SLC25A14: variants seen among roughly 807,000 people sequenced by gnomAD.
SLC25A14 encodes the protein solute carrier family 25 member 14.
SLC25A14 carries 8 observed loss-of-function variants against 28.1 expected under a neutral mutation model. The ratio of observed to expected loss-of-function variants is 0.28; its 90% CI spans 0.17 to 0.51. The LOEUF (loss-of-function observed/expected upper bound fraction) is 0.51, where lower values mean the gene tolerates loss of function less well. Ranked by LOEUF, SLC25A14 falls within the 20% of genes least tolerant of loss-of-function variation. The pLI, the probability that SLC25A14 is intolerant of heterozygous loss-of-function variation, is 0.97. For missense variants in SLC25A14, 135 were observed against 263.8 expected, an observed-to-expected ratio of 0.51 and a Z score of 3.38; for synonymous variants, 74 against 90.6, an observed-to-expected ratio of 0.82 and a Z score of 1.04.
chrX:130,365,013 T>C (rs2235801), intron 8 of SLC25A14: 370,816 of 842,663 alleles, frequency 0.44, 61,500 homozygotes, highest in African/African-American at 0.54. Flanking sequence ...TATCCATACA[T>C]AGCTTCTATA....
chrX:130,342,554 G>A (rs1262109409), intron 2 of SLC25A14, among the ~76,000 whole-genome samples: 1 of 112,028 alleles, frequency 8.9e-6, no homozygotes, highest in Non-Finnish European at 1.9e-5. Flanking sequence ...ATTAGAGGAA[G>A]ACAGACTTTT....
At chrX:130,352,384 T>G (rs2033645260) in intron 6 of SLC25A14, among the ~76,000 whole-genome samples, 1 of 111,362 alleles carries the variant, frequency 9.0e-6, no homozygotes, top group Middle Eastern at 4.2e-3. Flanking sequence ...AACATAGGAG[T>G]GTATGTGTCT....
intron 8 of SLC25A14, 114 bp from the exon 9 acceptor site, chrX:130,365,427 C>T (rs896894604): frequency 9.5e-7 from 1 of 1,056,456 alleles, no homozygotes; most frequent in African/African-American, 1.9e-5. Context: ...GGCCAAGTGC[C>T]AGGTTTTATC....
chrX:130,353,040 T>A (rs892363455), intron 6 of SLC25A14, among the ~76,000 whole-genome samples: 4 of 112,410 alleles, frequency 3.6e-5, no homozygotes, highest in Non-Finnish European at 7.5e-5. Context: ...TTCTTAAAAT[T>A]TGAGGTCTTA....
At chrX:130,343,253 C>CA (rs2033322327) in intron 2 of SLC25A14, among the ~76,000 whole-genome samples, 1 of 112,004 alleles carries the variant, frequency 8.9e-6, no homozygotes, top group Non-Finnish European at 1.9e-5. Context: ...CTCACAAACT[C>CA]AAAGAGGGGA....
chrX:130,365,412 C>T lies in SLC25A14; in HGVS notation c.720-129C>T, dbSNP rs940857787. ...AATTTCCTGTCTCTTTAGATTGTAA[C>T]GAAAGGCCAAGTGCCAGGTTTTATC... On this transcript the variant is annotated intron_variant, in intron 8 of 10. Transcript: ENST00000545805. 8 of 1,044,033 alleles carry T rather than the reference C, an allele frequency of 7.7e-6. No homozygotes were observed. In the Admixed American group the frequency reaches 1.2e-4, roughly 16 times the overall value. 86.0% of individuals were successfully genotyped at this position (1,044,033 alleles called of 1,213,427 possible). A position where few individuals can be genotyped will look rare whatever the true frequency, so the allele number is the denominator to read the frequency against.
chrX:130,366,617 T>G (rs2034123879), intron 9 of SLC25A14, among the ~76,000 whole-genome samples: 1 of 112,638 alleles, frequency 8.9e-6, no homozygotes, highest in South Asian at 3.7e-4. Context: ...ACTATGGTGC[T>G]TTCCTCATAT....
intron 9 of SLC25A14, among the ~76,000 whole-genome samples, chrX:130,368,014 C>T (rs184610067): frequency 1.1e-4 from 12 of 112,356 alleles, no homozygotes; most frequent in East Asian, 5.6e-4. Context: ...CTCCTAACCT[C>T]GTGATCCACC....
At chrX:130,351,473 C>CT (rs2033620442) in intron 6 of SLC25A14, among the ~76,000 whole-genome samples, 1 of 111,336 alleles carries the variant, frequency 9.0e-6, no homozygotes, top group Non-Finnish European at 1.9e-5. Flanking sequence ...AGTTGGATTT[C>CT]TTTAAGGTTT....
chrX:130,342,010 G>A (rs759893354), intron 2 of SLC25A14, among the ~76,000 whole-genome samples: 26 of 112,079 alleles, frequency 2.3e-4, no homozygotes, highest in Non-Finnish European at 4.3e-4. Context: ...GGTAAAGGAT[G>A]TCACACTGCA....
intron 9 of SLC25A14, 66 bp downstream of exon 9, chrX:130,365,742 C>A: frequency 1.3e-6 from 1 of 797,611 alleles, no homozygotes; most frequent in East Asian, 3.3e-5. Context: ...TCCTTCAGTT[C>A]TTATTATTAG....
rs755049563 is a variant in SLC25A14 at position 130,372,143 on chromosome X, G to A, written c.936+499G>A. Among the ~76,000 whole-genome samples, 3 of 112,172 alleles carry A rather than the reference G, an allele frequency of 2.7e-5. No homozygotes were observed. The South Asian group carries it at 1.1e-3, about 42-fold the overall frequency. ...GAGCCATGTATTGGATACTGTGTGT[G>A]GTGTTGTGTGTATAATGGTAAGCAC... On this transcript the variant is annotated intron_variant, in intron 10 of 10. Coordinates refer to ENST00000545805, the MANE Select transcript of SLC25A14 (RefSeq NM_001282195.2).
At chrX:130,341,088 C>T (rs1433836696) in intron 2 of SLC25A14, among the ~76,000 whole-genome samples, 3 of 111,892 alleles carry the variant, frequency 2.7e-5, no homozygotes, top group Non-Finnish European at 5.6e-5. Context: ...CTGCCCCTCT[C>T]CCTTACCTGC....
intron 6 of SLC25A14, among the ~76,000 whole-genome samples, chrX:130,355,226 G>T (rs1177299114): frequency 3.6e-5 from 4 of 112,179 alleles, no homozygotes; most frequent in South Asian, 3.7e-4. Context: ...AAGATGTAAA[G>T]CTTATGTTTT....
intron 9 of SLC25A14, among the ~76,000 whole-genome samples, chrX:130,369,876 C>T (rs2034221257): frequency 8.9e-6 from 1 of 112,098 alleles, no homozygotes. Context: ...AGAATGAAAT[C>T]CACCAGGAAG....
intron 6 of SLC25A14, among the ~76,000 whole-genome samples, chrX:130,355,290 G>T (rs1457057677): frequency 8.9e-6 from 1 of 112,122 alleles, no homozygotes; most frequent in East Asian, 2.8e-4. Flanking sequence ...TTAAGGTTCG[G>T]TTACCTGATG....
chrX:130,364,568 A>G (rs1440870298), intron 7 of SLC25A14, 60 bp from the exon 8 acceptor site: 1 of 922,573 alleles, frequency 1.1e-6, no homozygotes, highest in Non-Finnish European at 1.5e-6. Context: ...TATTTTGTTC[A>G]CTCTAAGACA....
In SLC25A14 at chrX:130,364,738, T is replaced by C; in HGVS notation, c.705T>C (p.Ile235=). The part of the protein sequence containing the change: ...LILSGMMGDT[I]LTHFVSSFTC... ...TGTCAGGAATGATGGGCGATACAAT[T>C]TTAACTCACTTCGTGTAAGTAGGAT... The change falls in exon 8 of 11, where the codon ATT becomes ATC. Residue 235 remains isoleucine (I), a synonymous_variant. Coordinates refer to ENST00000545805, the MANE Select transcript of SLC25A14 (RefSeq NM_001282195.2). 8.3e-7 allele frequency: 1 copy of C among 1,203,901 alleles called. No homozygotes were observed. Among genetic ancestry groups the C allele is most frequent in the Non-Finnish European group, 1.1e-6 (1 of 889,699 alleles).
chrX:130,361,831 G>T (rs1023929144), intron 7 of SLC25A14, among the ~76,000 whole-genome samples: 2 of 111,778 alleles, frequency 1.8e-5, no homozygotes, highest in Non-Finnish European at 3.8e-5. Flanking sequence ...CTGGAAATCT[G>T]CATTTCTGTG....
Sources: allele counts gnomAD v4.1 joint callset (sites outside exome capture counted in the v4.1 genomes callset), GRCh38; gene constraint gnomAD v4.1.1; transcripts MANE v1.5; gene names NCBI Gene and HGNC (gene_info 2026-07-23, HGNC 2026-07-21).